SLC22A25: variants seen among roughly 807,000 people sequenced by gnomAD.
SLC22A25 encodes the protein MGI:2442751, MGI:2385316, MGI:3042283, MGI:3645714, MGI:3605624, MGI:2442750.
SLC22A25 carries 44 observed loss-of-function variants against 45.9 expected under a neutral mutation model. That is an observed-to-expected ratio of 0.96 (90% CI 0.75 to 1.23). The LOEUF is 1.23. Ranked by LOEUF, SLC22A25 falls within the 50% of genes most tolerant of loss-of-function variation. The pLI is 0.00. For missense variants in SLC22A25, 800 were observed against 666.4 expected, an observed-to-expected ratio of 1.20 and a Z score of -2.21; for synonymous variants, 283 against 238.6, an observed-to-expected ratio of 1.19 and a Z score of -1.72.
At chr11:63,236,093 G>T (rs1043289205) in intron 3 of SLC22A25, among the ~76,000 whole-genome samples, 1 of 152,194 alleles carries the variant, frequency 6.6e-6, no homozygotes, top group Non-Finnish European at 1.5e-5. Flanking sequence ...GGTGTTCAGG[G>T]ACCCACTTGA....
At position 63,183,749 on chromosome 11, in the gene SLC22A25, C is replaced by G. The variant is rs11231397; in HGVS notation, c.899G>C (p.Arg300Thr). ...CATTCCATTCCTGTGTGCAGCTTTTCTAAGTTCCTTTAAGCCCTCTTCTGG... is the reference window on the plus strand; with the variant it reads ...CATTCCATTCCTGTGTGCAGCTTTTGTAAGTTCCTTTAAGCCCTCTTCTGG... ...NKPEEGLKEL[R>T]KAAHRNGMKN... The change falls in exon 8 of 12, where the codon AGA becomes ACA. Residue 300 changes from arginine to threonine, a missense_variant. Coordinates refer to ENST00000306494, the MANE Select transcript of SLC22A25 (RefSeq NM_199352.6). 0.38 allele frequency: 611,432 copies of G among 1,612,488 alleles called. 119,315 individuals are homozygous for G. The highest frequency in any genetic ancestry group is 0.58 in the East Asian group (26,182 of 44,840).
At position 63,228,530 on chromosome 11, in the gene SLC22A25, G is replaced by A. The variant is rs368457568; in HGVS notation, c.437C>T (p.Ser146Leu). 9.9e-6 allele frequency: 16 copies of A among 1,613,582 alleles called. No individual in the cohort carries two copies. The African/African-American group carries it at 1.7e-4, about 18-fold the overall frequency. Residue 146 changes from serine to leucine, a missense_variant, in exon 5 of 12, where the codon TCA (serine) becomes TTA (leucine). Physicochemically the swap from Ser to Leu is moderately radical, Grantham distance 145 (BLOSUM62 -2). Coordinates refer to ENST00000306494, the MANE Select transcript of SLC22A25 (RefSeq NM_199352.6). ...AGCCATGAATAGAAATTTAGCTACT[G>A]AATTCAGTGGTTGAGATTCGCATAC... ...DLVCESQPLN[S>L]VAKFLFMAGM...
At chr11:63,202,867 A>G (rs1242933092) in intron 7 of SLC22A25, among the ~76,000 whole-genome samples, 2 of 152,210 alleles carry the variant, frequency 1.3e-5, no homozygotes, top group Non-Finnish European at 2.9e-5. Context: ...ACAGGGAGAC[A>G]CTTCCCAGCA....
At chr11:63,188,992 C>A (rs143076934) in intron 7 of SLC22A25, among the ~76,000 whole-genome samples, 1 of 151,852 alleles carries the variant, frequency 6.6e-6, no homozygotes, top group Non-Finnish European at 1.5e-5. Flanking sequence ...GGAATAAGTG[C>A]GGTGTGGTGC....
At chr11:63,235,239 T>C (rs1590921847) in intron 3 of SLC22A25, among the ~76,000 whole-genome samples, 1 of 152,360 alleles carries the variant, frequency 6.6e-6, no homozygotes, top group Non-Finnish European at 1.5e-5. Context: ...TGCAGAGTGT[T>C]TTCCAACTTG....
intron 3 of SLC22A25, among the ~76,000 whole-genome samples, chr11:63,232,749 A>G (rs2090093056): frequency 6.6e-6 from 1 of 152,162 alleles, no homozygotes; most frequent in African/African-American, 2.4e-5. Context: ...TTGCCCATTC[A>G]GTGTGTTATT....
chr11:63,190,345 G>A (rs1167689518), intron 7 of SLC22A25, among the ~76,000 whole-genome samples: 2 of 152,184 alleles, frequency 1.3e-5, no homozygotes, highest in Admixed American at 1.3e-4. Flanking sequence ...ATCGGCTACT[G>A]AGGCTTGTGC....
At chr11:63,229,219 T>C (rs1460548172) in intron 4 of SLC22A25, 32 bp downstream of exon 4, 4 of 1,489,342 alleles carry the variant, frequency 2.7e-6, no homozygotes, top group Non-Finnish European at 3.6e-6. Flanking sequence ...AGCCAGGTCA[T>C]GTACACAAGA....
intron 7 of SLC22A25, among the ~76,000 whole-genome samples, chr11:63,202,444 T>C (rs929135783): frequency 6.6e-6 from 1 of 152,140 alleles, no homozygotes; most frequent in African/African-American, 2.4e-5. Context: ...GAAGTCGACT[T>C]GGGACACTAG....
chr11:63,236,055 T>TG (rs539275838), intron 3 of SLC22A25, among the ~76,000 whole-genome samples: 3 of 152,270 alleles, frequency 2.0e-5, no homozygotes, highest in South Asian at 2.1e-4. Context: ...CCACCCCTAA[T>TG]GGGGGGTGCC....
At chr11:63,222,078 G>A (rs772704239) in intron 5 of SLC22A25, among the ~76,000 whole-genome samples, 11 of 152,048 alleles carry the variant, frequency 7.2e-5, no homozygotes, top group Admixed American at 2.0e-4. Context: ...TTCCAGTTTT[G>A]TTCTTTTTGC....
At chr11:63,203,219 G>C (rs2089300428) in intron 7 of SLC22A25, among the ~76,000 whole-genome samples, 1 of 152,078 alleles carries the variant, frequency 6.6e-6, no homozygotes, top group African/African-American at 2.4e-5. Context: ...GTGCAAAAAG[G>C]CTGAAAATTC....
chr11:63,226,229 C>T (rs920314910), intron 5 of SLC22A25, among the ~76,000 whole-genome samples: 1 of 152,072 alleles, frequency 6.6e-6, no homozygotes, highest in Non-Finnish European at 1.5e-5. Context: ...GGCATTTAAA[C>T]GTTAGATATT....
chr11:63,164,201 G>T, intron 11 of SLC22A25, 128 bp from the exon 12 acceptor site: 1 of 1,279,974 alleles, frequency 7.8e-7, no homozygotes, highest in Non-Finnish European at 1.1e-6. Context: ...TCTTGCTTTT[G>T]AAATTTTCTC....
Position 63,229,748 on chromosome 11 carries a change from G to A in SLC22A25, c.-96C>T. 7.7e-7 allele frequency: 1 copy of A among 1,303,544 alleles called. No homozygotes were observed. Among genetic ancestry groups the A allele is most frequent in the Non-Finnish European group, 1.0e-6 (1 of 962,428 alleles). The allele number at this position is 1,303,544 out of a possible 1,614,324, so 80.7% of individuals were successfully genotyped here. On this transcript the variant is annotated 5_prime_UTR_variant, in exon 4 of 12. Coordinates refer to ENST00000306494, the MANE Select transcript of SLC22A25 (RefSeq NM_199352.6). ...TTCCTTTCCTTAAATCACACTAAGT[G>A]TGTGTGTTGATCCTGACCCCACTCT...
chr11:63,159,063 A>G lies in SLC22A25; in HGVS notation c.*4761T>C, dbSNP rs181120959. The stretch of plus-strand genomic sequence containing the variant: ...AACATAATGATCTCCAGTTCCATCC[A>G]TGTTGCTGCAAATGACAGGATCTCA... On this transcript the variant is annotated 3_prime_UTR_variant, in exon 12 of 12. Coordinates refer to ENST00000306494, the MANE Select transcript of SLC22A25 (RefSeq NM_199352.6). 6.6e-6 allele frequency among the ~76,000 whole-genome samples: 1 copy of G among 152,232 alleles called. No homozygotes were observed. Among genetic ancestry groups the G allele is most frequent in the Admixed American group, 6.5e-5 (1 of 15,286 alleles).
chr11:63,182,780 T>C (rs955331580), intron 8 of SLC22A25, among the ~76,000 whole-genome samples: 1 of 152,144 alleles, frequency 6.6e-6, no homozygotes, highest in Non-Finnish European at 1.5e-5. Flanking sequence ...TTCCATCAGA[T>C]ATGTCATTGA....
intron 3 of SLC22A25, among the ~76,000 whole-genome samples, chr11:63,232,681 G>A (rs890303762): frequency 2.6e-5 from 4 of 152,168 alleles, no homozygotes; most frequent in Non-Finnish European, 5.9e-5. Flanking sequence ...TTGAATAGGA[G>A]TGGTGAGAGA....
intron 7 of SLC22A25, among the ~76,000 whole-genome samples, chr11:63,192,973 G>A (rs2088869942): frequency 6.6e-6 from 1 of 152,084 alleles, no homozygotes; most frequent in South Asian, 2.1e-4. Context: ...ATCAGCACTG[G>A]ATCAAATGGT....
Sources: allele counts gnomAD v4.1 joint callset (sites outside exome capture counted in the v4.1 genomes callset), GRCh38; gene constraint gnomAD v4.1.1; transcripts MANE v1.5; gene names NCBI Gene and HGNC (gene_info 2026-07-23, HGNC 2026-07-21).